Variants in SNX29 observed in about 807,000 individuals in gnomAD.
SNX29 encodes the protein sorting nexin-29.
Under a neutral mutation model 102.1 loss-of-function variants are expected in SNX29, and 78 were observed. The observed-to-expected ratio is 0.76, with a 90% CI of 0.64 to 0.92. SNX29 has a LOEUF of 0.92. SNX29 is among the 40% of genes least tolerant of loss of function. The probability of loss-of-function intolerance (pLI) is 0.00; values close to 1 mark genes in which losing one functional copy is unlikely to be tolerated. For synonymous variants in SNX29, 580 were observed against 414.5 expected (o/e 1.40, Z -4.85); for missense variants, 1,280 against 1,061.7 (o/e 1.21, Z -2.86).
intron 14 of SNX29, among the ~76,000 whole-genome samples, chr16:12,212,567 T>G (rs529733879): frequency 1.3e-5 from 2 of 152,206 alleles, no homozygotes; most frequent in Admixed American, 6.5e-5. Context: ...ATCTCTGAGC[T>G]TCAGTATTTC....
At chr16:12,220,554 A>G (rs191841370) in intron 14 of SNX29, among the ~76,000 whole-genome samples, 5 of 152,160 alleles carry the variant, frequency 3.3e-5, no homozygotes, top group African/African-American at 7.2e-5. Context: ...ACCTGAGCCA[A>G]TTTGCATGTT....
Position 12,051,877 on chromosome 16 carries a change from A to G in SNX29, c.779A>G (p.Lys260Arg). 6.2e-7 allele frequency: 1 copy of G among 1,612,934 alleles called. No individual in the cohort carries two copies. Among genetic ancestry groups the G allele is most frequent in the Non-Finnish European group, 8.5e-7 (1 of 1,179,668 alleles). ...AAATGCAAAAAGGAGCGGAAGAAGA[A>G]AAAGAAAGTGACCAACATAATCTCA... ...DAKCKKERKK[K>R]KKVTNIISFD... Residue 260 changes from lysine (K) to arginine (R), a missense_variant, in exon 8 of 21, where the codon AAA becomes AGA. By Grantham distance (26) the Lys-to-Arg change is conservative. Coordinates refer to ENST00000566228, the MANE Select transcript of SNX29 (RefSeq NM_032167.5).
chr16:12,120,510 A>G (rs1567224613), intron 11 of SNX29, among the ~76,000 whole-genome samples: 1 of 152,202 alleles, frequency 6.6e-6, no homozygotes. Context: ...TTGAAGATCA[A>G]TGAGTCTCAG....
At chr16:12,184,046 C>T (rs1176441142) in intron 13 of SNX29, among the ~76,000 whole-genome samples, 2 of 152,166 alleles carry the variant, frequency 1.3e-5, no homozygotes, top group South Asian at 2.1e-4. Context: ...GATGGAGTAG[C>T]CATGCTTTTA....
At chr16:12,549,698 C>T (rs544463319) in intron 20 of SNX29, among the ~76,000 whole-genome samples, 1 of 152,224 alleles carries the variant, frequency 6.6e-6, no homozygotes, top group African/African-American at 2.4e-5. Flanking sequence ...GTCGCAGATG[C>T]TGCTTGGGGC....
chr16:12,555,565 A>C (rs1427986796), intron 20 of SNX29, among the ~76,000 whole-genome samples: 1 of 141,940 alleles, frequency 7.0e-6, no homozygotes, highest in Non-Finnish European at 1.5e-5. Context: ...GAGCACCCTC[A>C]TCTCTCACCT....
intron 18 of SNX29, among the ~76,000 whole-genome samples, chr16:12,452,424 G>A (rs2086346610): frequency 4.3e-5 from 1 of 23,228 alleles, no homozygotes. Flanking sequence ...CTGTGCCAGG[G>A]ACTGTGCTAA....
chr16:12,164,856 T>G (rs1186513302), intron 13 of SNX29, among the ~76,000 whole-genome samples: 2 of 151,888 alleles, frequency 1.3e-5, no homozygotes, highest in African/African-American at 2.4e-5. Context: ...CCCAGCTAAT[T>G]TTTGTATTTT....
At chr16:12,421,340 C>T (rs1263752563) in intron 18 of SNX29, among the ~76,000 whole-genome samples, 2 of 152,136 alleles carry the variant, frequency 1.3e-5, no homozygotes, top group African/African-American at 2.4e-5. Context: ...AAAGATTTAG[C>T]CAGGGAGAGA....
At chr16:12,219,994 C>G (rs997599088) in intron 14 of SNX29, among the ~76,000 whole-genome samples, 2 of 152,264 alleles carry the variant, frequency 1.3e-5, no homozygotes, top group African/African-American at 4.8e-5. Context: ...TCAACTCTCT[C>G]TGTGTCCCTG....
At chr16:12,431,938 G>T (rs750390608) in intron 18 of SNX29, among the ~76,000 whole-genome samples, 7 of 152,342 alleles carry the variant, frequency 4.6e-5, no homozygotes, top group Non-Finnish European at 7.3e-5. Flanking sequence ...GGAACCTTCT[G>T]TGCAGGCCTC....
chr16:12,371,228 ACCTTCCTT>A (rs35413938), intron 16 of SNX29, among the ~76,000 whole-genome samples: 1 of 151,664 alleles, frequency 6.6e-6, no homozygotes, highest in South Asian at 2.1e-4. Context: ...CTTTGGACCA[ACCTTCCTT>A]CCTTCCTTCC....
At chr16:12,556,319 C>G (rs144673431) in intron 20 of SNX29, 5 of 152,280 alleles carry the variant, frequency 3.3e-5, no homozygotes, top group East Asian at 1.9e-4. Context: ...TATAGACGAG[C>G]TAGACCAGGA....
At chr16:12,231,175 A>G (rs1466906885) in intron 14 of SNX29, among the ~76,000 whole-genome samples, 1 of 152,156 alleles carries the variant, frequency 6.6e-6, no homozygotes, top group African/African-American at 2.4e-5. Flanking sequence ...TTTAAACATT[A>G]AACTGTCTGA....
intron 14 of SNX29, among the ~76,000 whole-genome samples, chr16:12,200,531 G>A (rs2076887816): frequency 2.0e-5 from 3 of 151,664 alleles, no homozygotes; most frequent in Admixed American, 2.0e-4. Context: ...CGCCCAGGAT[G>A]GAGTGCAGTG....
intron 20 of SNX29, among the ~76,000 whole-genome samples, chr16:12,543,975 C>G (rs1401090068): frequency 6.6e-6 from 1 of 152,226 alleles, no homozygotes; most frequent in African/African-American, 2.4e-5. Flanking sequence ...GAAATGGTCT[C>G]AGCCAAGGTC....
intron 14 of SNX29, among the ~76,000 whole-genome samples, chr16:12,205,399 C>G (rs994333009): frequency 6.6e-6 from 1 of 152,230 alleles, no homozygotes; most frequent in African/African-American, 2.4e-5. Flanking sequence ...GTTTACCGTT[C>G]ATGGTTTTCC....
In SNX29 at chr16:12,572,913, ACTTGGAGTGTTTCTTCAAGGCAGG is replaced by A. The variant is rs539081049; in HGVS notation, c.*4286_*4309del. The A allele has an allele frequency of 1.3e-4, 134 of 997,320 alleles. 1 individual carries two copies. In the African/African-American group the frequency reaches 2.0e-3, roughly 15 times the overall value. The allele number at this position is 997,320 out of a possible 1,614,324, so 61.8% of individuals were successfully genotyped here. A position where few individuals can be genotyped will look rare whatever the true frequency, so the allele number is the denominator to read the frequency against. ...GGCATTTCGCTCGGAATCACGGCAGACTTGGAGTGTTTCTTCAAGGCAGGCATCTGCTTATGAGCAAGGTCAAAG... is the reference window on the plus strand; with the variant it reads ...GGCATTTCGCTCGGAATCACGGCAGACATCTGCTTATGAGCAAGGTCAAAG... On this transcript the variant is annotated 3_prime_UTR_variant, in exon 21 of 21. Coordinates refer to ENST00000566228, the MANE Select transcript of SNX29 (RefSeq NM_032167.5).
chr16:12,563,056 TGTAG>T (rs1484636622), intron 20 of SNX29, among the ~76,000 whole-genome samples: 1 of 152,062 alleles, frequency 6.6e-6, no homozygotes, highest in African/African-American at 2.4e-5. Context: ...CACCTCGAAA[TGTAG>T]GTACTGGAAG....
Sources: gnomAD v4.1 joint callset for allele counts (sites outside exome capture counted in the v4.1 genomes callset) on GRCh38, gnomAD v4.1.1 for gene constraint, MANE v1.5 for transcripts, NCBI Gene and HGNC (gene_info 2026-07-23, HGNC 2026-07-21) for gene names.